Variants in PAN3 observed in about 807,000 individuals in gnomAD.
PAN3 encodes the protein PAN2-PAN3 deadenylation complex subunit PAN3.
In PAN3, 19 loss-of-function variants were observed where a neutral mutation model predicts 96.2. The ratio of observed to expected loss-of-function variants is 0.20; its 90% CI spans 0.14 to 0.29. The LOEUF is 0.29. Among genes scored for constraint, PAN3 ranks in the 10% least tolerant of loss-of-function variants. The pLI is 1.00. For synonymous variants in PAN3, 433 were observed against 406.6 expected (o/e 1.06, Z -0.78); for missense variants, 882 against 1,108.1 (o/e 0.80, Z 2.90).
chr13:28,180,244 G>C (rs1875591281), intron 4 of PAN3, among the ~76,000 whole-genome samples: 1 of 152,104 alleles, frequency 6.6e-6, no homozygotes, highest in Admixed American at 6.6e-5. Context: ...CCATATGTCA[G>C]TTTCTACCTA....
chr13:28,286,279 G>C (rs1178949806), intron 17 of PAN3, among the ~76,000 whole-genome samples: 14 of 152,062 alleles, frequency 9.2e-5, no homozygotes, highest in Non-Finnish European at 1.8e-4. Context: ...TGTTGAATAG[G>C]GTGTCATCCA....
At chr13:28,277,881 A>G (rs984902136) in intron 15 of PAN3, among the ~76,000 whole-genome samples, 2 of 152,218 alleles carry the variant, frequency 1.3e-5, no homozygotes, top group African/African-American at 4.8e-5. Context: ...TCTGGAAAGC[A>G]TTTGTGTGGA....
chr13:28,256,244 T>C (rs572881706), intron 6 of PAN3, 48 bp from the exon 7 acceptor site: 3 of 1,568,140 alleles, frequency 1.9e-6, no homozygotes, highest in South Asian at 2.4e-5. Flanking sequence ...ACTTGTTCTC[T>C]AAAACCAATT....
chr13:28,235,866 C>T (rs1883051740), intron 6 of PAN3, among the ~76,000 whole-genome samples: 1 of 151,562 alleles, frequency 6.6e-6, no homozygotes, highest in Non-Finnish European at 1.5e-5. Flanking sequence ...CACTCACCAC[C>T]ATGCCCAGCT....
intron 6 of PAN3, among the ~76,000 whole-genome samples, chr13:28,240,380 G>A (rs2138497360): frequency 6.6e-6 from 1 of 152,226 alleles, no homozygotes; most frequent in South Asian, 2.1e-4. Flanking sequence ...AACATGCTGT[G>A]GGATGACATA....
At chr13:28,241,604 T>A (rs970174716) in intron 6 of PAN3, among the ~76,000 whole-genome samples, 1 of 151,896 alleles carries the variant, frequency 6.6e-6, no homozygotes, top group Non-Finnish European at 1.5e-5. Flanking sequence ...TTCTACTCTT[T>A]GAATCATAAG....
intron 7 of PAN3, among the ~76,000 whole-genome samples, chr13:28,257,815 AAT>A (rs1340938176): frequency 7.0e-6 from 1 of 142,494 alleles, no homozygotes; most frequent in Admixed American, 7.4e-5. Flanking sequence ...AAATTATATA[AAT>A]ATATATATTT....
At chr13:28,237,298 A>T (rs973396038) in intron 6 of PAN3, among the ~76,000 whole-genome samples, 1 of 151,948 alleles carries the variant, frequency 6.6e-6, no homozygotes, top group African/African-American at 2.4e-5. Context: ...TTGTTTCTTG[A>T]GGGTTGTCAG....
At chr13:28,250,138 CTT>C (rs1426106136) in intron 6 of PAN3, among the ~76,000 whole-genome samples, 2 of 150,048 alleles carry the variant, frequency 1.3e-5, no homozygotes, top group Admixed American at 1.3e-4. Flanking sequence ...AAGATTTTCT[CTT>C]TGTCTTTCGC....
chr13:28,267,177 T>A lies in PAN3; in HGVS notation c.1656T>A (p.Arg552=). 1 of 1,613,224 alleles carries A rather than the reference T, an allele frequency of 6.2e-7. No individual in the cohort carries two copies. The highest frequency in any genetic ancestry group is 1.3e-5 in the African/African-American group (1 of 75,034). The change falls in exon 11 of 19, where the codon CGT becomes CGA. Residue 552 remains arginine, a synonymous_variant. Coordinates refer to ENST00000380958, the MANE Select transcript of PAN3 (RefSeq NM_175854.8). ...KIQHSNIVTL[R]EVFTTKAFAE... ...AACACTCAAATATCGTAACTTTGCG[T>A]GAAGTATTTACCACTAAAGCATTTG... is the stretch of plus-strand genomic sequence containing the variant.
At chr13:28,213,860 A>C (rs1454768253) in intron 5 of PAN3, among the ~76,000 whole-genome samples, 1 of 152,236 alleles carries the variant, frequency 6.6e-6, no homozygotes. Flanking sequence ...GGGAAATGCT[A>C]ATTAAAACCA....
chr13:28,198,119 G>A (rs1878281428), intron 5 of PAN3, among the ~76,000 whole-genome samples: 1 of 151,708 alleles, frequency 6.6e-6, no homozygotes, highest in Admixed American at 6.6e-5. Context: ...CAAATATACA[G>A]AAAAGAAAAG....
rs909432335 is a variant in PAN3 at position 28,235,616 on chromosome 13, A to G, written c.1000+15238A>G. 2.0e-5 allele frequency among the ~76,000 whole-genome samples: 3 copies of G among 149,720 alleles called. No homozygotes were observed. In the Admixed American group the frequency reaches 2.0e-4, roughly 10 times the overall value. The stretch of plus-strand genomic sequence containing the variant: ...TTCTCTGGTCATTATAGTATCTCCC[A>G]TTTCTTTGCTTTTATAGTGTGTTGA... On this transcript the variant is annotated intron_variant, in intron 6 of 18. Coordinates refer to ENST00000380958, the MANE Select transcript of PAN3 (RefSeq NM_175854.8).
At chr13:28,165,315 CT>C (rs1374680303) in intron 1 of PAN3, among the ~76,000 whole-genome samples, 1 of 121,098 alleles carries the variant, frequency 8.3e-6, no homozygotes, top group Non-Finnish European at 1.6e-5. Flanking sequence ...AGATGGGGGT[CT>C]TGCTATGTTG....
intron 6 of PAN3, among the ~76,000 whole-genome samples, chr13:28,251,468 G>C (rs753014312): frequency 6.6e-6 from 1 of 152,216 alleles, no homozygotes; most frequent in Non-Finnish European, 1.5e-5. Flanking sequence ...CGAGTATTGT[G>C]TTGATTTCTT....
At chr13:28,198,355 A>G (rs1032141164) in intron 5 of PAN3, among the ~76,000 whole-genome samples, 1 of 152,186 alleles carries the variant, frequency 6.6e-6, no homozygotes, top group African/African-American at 2.4e-5. Flanking sequence ...AATCTGAAGA[A>G]CAAGATGCTT....
chr13:28,240,895 C>A (rs1883595452), intron 6 of PAN3, among the ~76,000 whole-genome samples: 1 of 152,204 alleles, frequency 6.6e-6, no homozygotes, highest in African/African-American at 2.4e-5. Context: ...GGGATGAGAT[C>A]CATGTTTAAA....
intron 1 of PAN3, among the ~76,000 whole-genome samples, chr13:28,174,048 A>G (rs1874638662): frequency 6.6e-6 from 1 of 152,236 alleles, no homozygotes; most frequent in South Asian, 2.1e-4. Context: ...TTGGTGACTC[A>G]GAAAATAAAT....
At chr13:28,190,367 T>C (rs1036298161) in intron 4 of PAN3, among the ~76,000 whole-genome samples, 1 of 151,846 alleles carries the variant, frequency 6.6e-6, no homozygotes, top group African/African-American at 2.4e-5. Flanking sequence ...TTCAGCCTCC[T>C]GAATAGCTGG....
Sources: gnomAD v4.1 joint callset for allele counts (sites outside exome capture counted in the v4.1 genomes callset) on GRCh38, gnomAD v4.1.1 for gene constraint, MANE v1.5 for transcripts, NCBI Gene and HGNC (gene_info 2026-07-23, HGNC 2026-07-21) for gene names.